Variants in ANGPTL2 observed in about 807,000 individuals in gnomAD.
ANGPTL2 encodes the protein angiopoietin like 2.
Under a neutral mutation model 52.8 loss-of-function variants are expected in ANGPTL2, and 25 were observed. That is an observed-to-expected ratio of 0.47 (90% CI 0.35 to 0.66). The LOEUF is 0.66. ANGPTL2 is among the 30% of genes least tolerant of loss of function. ANGPTL2 has a pLI of 0.01. For synonymous variants in ANGPTL2, 276 were observed against 277.4 expected (o/e 1.00, Z 0.05); for missense variants, 546 against 656.9 (o/e 0.83, Z 1.84).
At chr9:127,097,407 T>G (rs1169637109) in intron 2 of ANGPTL2, among the ~76,000 whole-genome samples, 1 of 152,270 alleles carries the variant, frequency 6.6e-6, no homozygotes, top group Non-Finnish European at 1.5e-5. Context: ...GAATTTCACA[T>G]GACAATCAGG....
chr9:127,108,916 C>T (rs1195518412), intron 1 of ANGPTL2, 136 bp from the exon 2 acceptor site: 4 of 643,514 alleles, frequency 6.2e-6, no homozygotes, highest in Non-Finnish European at 7.6e-6. Context: ...GTTATATTCT[C>T]TTGGAGTCAG....
Position 127,091,562 on chromosome 9 carries a change from C to A in ANGPTL2, c.1282+108G>T, listed in dbSNP as rs776263463. 6.9e-7 allele frequency: 1 copy of A among 1,458,950 alleles called. No homozygotes were observed. Among genetic ancestry groups the A allele is most frequent in the Non-Finnish European group, 9.2e-7 (1 of 1,085,026 alleles). The allele number at this position is 1,458,950 out of a possible 1,614,324, so 90.4% of individuals were successfully genotyped here. ...AGGGTCAGGCAGCTTGGCCCAGCTG[C>A]TTCTCACCCTGGGATCTTCCCGTTT... On this transcript the variant is annotated intron_variant, in intron 4 of 4. Transcript: ENST00000373425. The surrounding 1 kb of genome is among the most constrained non-coding windows in gnomAD (Gnocchi z 4.3).
At chr9:127,113,512 A>AC (rs1294575791) in intron 1 of ANGPTL2, among the ~76,000 whole-genome samples, 1 of 51,608 alleles carries the variant, frequency 1.9e-5, no homozygotes, top group African/African-American at 7.1e-5. Flanking sequence ...CCCCACCCCC[A>AC]CCCCGGCATT....
Position 127,093,825 on chromosome 9 carries a change from A to G in ANGPTL2, c.919T>C (p.Cys307Arg). Residue 307 changes from cysteine (C) to arginine (R), a missense_variant, in exon 3 of 5, where the codon TGC becomes CGC. By Grantham distance (180) the Cys-to-Arg change is radical. Transcript: ENST00000373425. ...ENTNRLMQVW[C>R]DQRHDPGGWT... Reference sequence around the variant, plus strand: ...CCCCCGGGGTCGTGTCTCTGGTCGCACCACACCTGCATGAGGCGGTTGGTG... The same window carrying G: ...CCCCCGGGGTCGTGTCTCTGGTCGCGCCACACCTGCATGAGGCGGTTGGTG... The G allele has an allele frequency of 6.2e-7, 1 of 1,614,038 alleles. No homozygotes were observed. Among genetic ancestry groups the G allele is most frequent in the Non-Finnish European group, 8.5e-7 (1 of 1,179,994 alleles).
chr9:127,111,482 C>T (rs772045844), intron 1 of ANGPTL2, among the ~76,000 whole-genome samples: 13 of 152,178 alleles, frequency 8.5e-5, no homozygotes, highest in Non-Finnish European at 1.6e-4. Context: ...AATGACAAGA[C>T]ACACCTGCCA....
chr9:127,116,343 G>T (rs1012187689), intron 1 of ANGPTL2, among the ~76,000 whole-genome samples: 1 of 151,978 alleles, frequency 6.6e-6, no homozygotes, highest in African/African-American at 2.4e-5. Flanking sequence ...GTTAGGGAGT[G>T]GGGGAGCTGG....
chr9:127,094,270 T>A (rs2052849484), intron 2 of ANGPTL2, among the ~76,000 whole-genome samples: 1 of 152,104 alleles, frequency 6.6e-6, no homozygotes, highest in Non-Finnish European at 1.5e-5. Flanking sequence ...ATTACTGAGA[T>A]CATTTGGGGG....
intron 1 of ANGPTL2, among the ~76,000 whole-genome samples, chr9:127,109,121 G>T (rs1176331942): frequency 6.6e-6 from 1 of 152,244 alleles, no homozygotes; most frequent in Non-Finnish European, 1.5e-5. Context: ...GCAGCTTCAG[G>T]CTGGGGAGGG....
intron 2 of ANGPTL2, among the ~76,000 whole-genome samples, chr9:127,099,161 C>T (rs1433913517): frequency 1.3e-5 from 2 of 152,296 alleles, no homozygotes; most frequent in African/African-American, 4.8e-5. Context: ...CTGAGTCCAG[C>T]CCCAGGTGTC....
rs2053905834 is a variant in ANGPTL2, at chr9:127,103,225, T to C, written c.817+4690A>G. 2.6e-5 allele frequency among the ~76,000 whole-genome samples: 4 copies of C among 152,244 alleles called. No homozygotes were observed. In the South Asian group the frequency reaches 8.3e-4, roughly 31 times the overall value. ...AATCGTGTACGTATTTCCTACCTTA[T>C]AGGGTGGAATAAAATACAGGTGGAA... On this transcript the variant is annotated intron_variant, in intron 2 of 4. Coordinates refer to ENST00000373425, the MANE Select transcript of ANGPTL2 (RefSeq NM_012098.3).
chr9:127,102,909 C>T (rs763464750), intron 2 of ANGPTL2, among the ~76,000 whole-genome samples: 134 of 152,232 alleles, frequency 8.8e-4, no homozygotes, highest in Non-Finnish European at 1.4e-3. Flanking sequence ...AAACAGCACA[C>T]GCTCTGGAGG....
intron 2 of ANGPTL2, 146 bp downstream of exon 2, chr9:127,107,769 T>G: frequency 1.3e-6 from 1 of 770,782 alleles, no homozygotes; most frequent in Non-Finnish European, 1.9e-6. Flanking sequence ...CTCCAGCAGC[T>G]CAGCCCAAGG....
At chr9:127,101,341 T>G (rs908631776) in intron 2 of ANGPTL2, among the ~76,000 whole-genome samples, 2 of 152,248 alleles carry the variant, frequency 1.3e-5, no homozygotes, top group African/African-American at 4.8e-5. Flanking sequence ...GTCCACCTTC[T>G]GTGCTGCAGT....
chr9:127,093,295 AC>A (rs2136472651), intron 3 of ANGPTL2, among the ~76,000 whole-genome samples: 1 of 152,264 alleles, frequency 6.6e-6, no homozygotes, highest in South Asian at 2.1e-4. Context: ...ACAACTCCCT[AC>A]CAGGACTTTT....
intron 1 of ANGPTL2, among the ~76,000 whole-genome samples, chr9:127,114,467 G>T (rs1437763774): frequency 6.6e-6 from 1 of 152,192 alleles, no homozygotes; most frequent in Non-Finnish European, 1.5e-5. Flanking sequence ...CCCAAAAGAG[G>T]TTGTTCTCTG....
At chr9:127,101,462 G>A (rs754672535) in intron 2 of ANGPTL2, among the ~76,000 whole-genome samples, 1 of 152,168 alleles carries the variant, frequency 6.6e-6, no homozygotes, top group Non-Finnish European at 1.5e-5. Context: ...TGCTCTGTGT[G>A]CCTCCCTCCA....
chr9:127,116,181 T>C (rs1265332128), intron 1 of ANGPTL2, among the ~76,000 whole-genome samples: 2 of 152,096 alleles, frequency 1.3e-5, no homozygotes, highest in Non-Finnish European at 2.9e-5. Flanking sequence ...GTAAGACAGA[T>C]TTGCCTGGAG....
chr9:127,114,643 C>G (rs913258236), intron 1 of ANGPTL2, among the ~76,000 whole-genome samples: 12 of 152,228 alleles, frequency 7.9e-5, no homozygotes, highest in African/African-American at 2.7e-4. Context: ...CACCCGTCCT[C>G]TGGTCAGCAC....
chr9:127,099,235 T>C (rs1458153873), intron 2 of ANGPTL2, among the ~76,000 whole-genome samples: 2 of 152,182 alleles, frequency 1.3e-5, no homozygotes, highest in African/African-American at 4.8e-5. Flanking sequence ...TCTGGGGGGC[T>C]CTTGGTTCTG....
Sources: gnomAD v4.1 joint callset for allele counts (sites outside exome capture counted in the v4.1 genomes callset) on GRCh38, gnomAD v4.1.1 for gene constraint, Gnocchi (gnomAD v3.1) non-coding constraint, MANE v1.5 for transcripts, NCBI Gene and HGNC (gene_info 2026-07-23, HGNC 2026-07-21) for gene names.